HLA-DQB2: variants seen among roughly 807,000 people sequenced by gnomAD.
HLA-DQB2 encodes major histocompatibility complex, class II, DQ beta 2.
HLA-DQB2 carries 24 observed loss-of-function variants against 29.2 expected under a neutral mutation model. The observed-to-expected ratio is 0.82, with a 90% CI of 0.60 to 1.16. The LOEUF (loss-of-function observed/expected upper bound fraction) is 1.16, where lower values mean the gene tolerates loss of function less well. HLA-DQB2 is among the 50% of genes most tolerant of loss of function. The probability of loss-of-function intolerance (pLI) is 0.00; values close to 1 mark genes in which losing one functional copy is unlikely to be tolerated. For synonymous variants in HLA-DQB2, 104 were observed against 133.1 expected (o/e 0.78, Z 1.51); for missense variants, 273 against 343.6 (o/e 0.79, Z 1.62).
rs1208006348 is a variant in HLA-DQB2, at chr6:32,761,621, G to C, written c.364+39C>G. On this transcript the variant is annotated intron_variant, in intron 2 of 5. Coordinates refer to ENST00000437316, the MANE Select transcript of HLA-DQB2 (RefSeq NM_001300790.2). Reference sequence around the variant, plus strand: ...TCTGTGCGCAAGAGACTCGGGCCCCGGCCAAGGGTGAGCCCCGCGGAAGGA... The same window carrying C: ...TCTGTGCGCAAGAGACTCGGGCCCCCGCCAAGGGTGAGCCCCGCGGAAGGA... 7.2e-6 allele frequency: 11 copies of C among 1,519,796 alleles called. No homozygotes were observed. In the South Asian group the frequency reaches 1.3e-4, roughly 17 times the overall value. The allele number at this position is 1,519,796 out of a possible 1,614,324, so 94.1% of individuals were successfully genotyped here.
intron 5 of HLA-DQB2, 94 bp downstream of exon 5, chr6:32,757,187 T>G: frequency 6.5e-7 from 1 of 1,536,548 alleles, no homozygotes; most frequent in Non-Finnish European, 8.8e-7. Context: ...GTCCAGCTAA[T>G]TTTTGTATTT....
At chr6:32,760,073 A>C (rs10695453) in intron 2 of HLA-DQB2, among the ~76,000 whole-genome samples, 56 of 108,980 alleles carry the variant, frequency 5.1e-4, no homozygotes, top group African/African-American at 1.6e-3. Flanking sequence ...TCATGAGAAA[A>C]AAATGATAGA....
chr6:32,758,346 T>A (rs1052968462), intron 3 of HLA-DQB2, among the ~76,000 whole-genome samples: 5 of 152,160 alleles, frequency 3.3e-5, no homozygotes, highest in Non-Finnish European at 7.4e-5. Context: ...TAAAACTGCG[T>A]AGCACCAACC....
chr6:32,759,701 G>C (rs1005609587), intron 2 of HLA-DQB2, among the ~76,000 whole-genome samples: 2 of 152,110 alleles, frequency 1.3e-5, no homozygotes, highest in Non-Finnish European at 2.9e-5. Context: ...GTAATTACTA[G>C]CTGCCTACCC....
At position 32,757,837 on chromosome 6, in the gene HLA-DQB2, T is replaced by C. The variant is rs1311667420; in HGVS notation, c.693A>G (p.Gly231=). The change falls in exon 4 of 6, where the codon GGA becomes GGG. Residue 231 remains glycine, a synonymous_variant. Coordinates refer to ENST00000437316, the MANE Select transcript of HLA-DQB2 (RefSeq NM_001300790.2). ...GGAAGATCAGCCCCAGCACGAAGCC[T>C]CCAATGCCACTCAGCATCTTGCTCT... ...SAQSKMLSGI[G]GFVLGLIFLG... is the part of the protein sequence containing the mutation. 2 of 1,613,850 alleles carry C rather than the reference T, an allele frequency of 1.2e-6. No individual in the cohort carries two copies. The highest frequency in any genetic ancestry group is 4.5e-5 in the East Asian group (2 of 44,898).
chr6:32,759,980 A>C (rs1043816223), intron 2 of HLA-DQB2, among the ~76,000 whole-genome samples: 5,527 of 115,872 alleles, frequency 0.048, no homozygotes, highest in Middle Eastern at 0.1. Context: ...CTGGAGTCTG[A>C]CTGAAATAAC....
chr6:32,756,985 C>G, intron 5 of HLA-DQB2: 1 of 1,281,634 alleles, frequency 7.8e-7, no homozygotes, highest in Non-Finnish European at 9.9e-7. Context: ...AGGCCATGAA[C>G]AGAGACCACT....
chr6:32,763,426 G>C lies in HLA-DQB2; in HGVS notation c.45C>G (p.Thr15=), dbSNP rs1250334586. The C allele has an allele frequency of 5.1e-6, 8 of 1,564,758 alleles. No individual in the cohort carries two copies. Among genetic ancestry groups the C allele is most frequent in the Non-Finnish European group, 6.1e-6 (7 of 1,154,100 alleles). The change falls in exon 1 of 6, where the codon ACC becomes ACG. Residue 15 remains threonine (T), a synonymous_variant. Coordinates refer to ENST00000437316, the MANE Select transcript of HLA-DQB2 (RefSeq NM_001300790.2). ...GGGTGCTCAGCATCACCAGCATCAC[G>C]GTCACAGCTGCTGCCCAAAAGCCTC... ...IPGGFWAAAV[T]VMLVMLSTPV... is the part of the protein sequence containing the mutation.
In HLA-DQB2 at chr6:32,762,779, T is replaced by C. The variant is rs111893017; in HGVS notation, c.97+595A>G. Among the ~76,000 whole-genome samples the C allele has an allele frequency of 3.0e-3, 452 of 152,210 alleles. 2 individuals are homozygous for C. The highest frequency in any genetic ancestry group is 0.01 in the African/African-American group (429 of 41,540). ...AATATGTATTATTTCCCTTCTTTAC[T>C]TCCTCCTTCCTATCATACTAAATTC... On this transcript the variant is annotated intron_variant, in intron 1 of 5. Transcript: ENST00000437316.
chr6:32,761,838 G>C lies in HLA-DQB2; in HGVS notation c.186C>G (p.Arg62=). Residue 62 remains arginine, a synonymous_variant, in exon 2 of 6, where the codon CGC becomes CGG. Transcript: ENST00000437316. ...CGCTGTCGAAGCGCCCGTACTCCTC[G>C]CGGTTATAGATGTATCTGGCCACAC... ...VRGVARYIYN[R]EEYGRFDSDV... The C allele has an allele frequency of 1.3e-6, 2 of 1,582,474 alleles. No individual in the cohort carries two copies. The highest frequency in any genetic ancestry group is 2.3e-5 in the East Asian group (1 of 44,074).
rs576150144 is a variant in HLA-DQB2 at position 32,758,849 on chromosome 6, C to T, written c.646+1G>A. 288 of 1,612,258 alleles carry T rather than the reference C, an allele frequency of 1.8e-4. 1 individual carries two copies. In the African/African-American group the frequency reaches 2.0e-3, roughly 11 times the overall value. On this transcript the variant is annotated splice_donor_variant, in intron 3 of 5. Transcript: ENST00000437316. LOFTEE classifies it high-confidence loss of function. ...GTAAAAGGAAACCAGTTTCCCCTTA[C>T]GCCACTCCACGGTGATGGGGCTCTG...
chr6:32,757,379 C>A (rs758668668), intron 4 of HLA-DQB2, 75 bp from the exon 5 acceptor site: 2 of 1,115,458 alleles, frequency 1.8e-6, no homozygotes, highest in Admixed American at 2.0e-5. Flanking sequence ...GAAAATGACA[C>A]ATGTAGTTTA....
At chr6:32,760,525 A>G (rs1173576432) in intron 2 of HLA-DQB2, among the ~76,000 whole-genome samples, 3 of 152,214 alleles carry the variant, frequency 2.0e-5, no homozygotes, top group Admixed American at 6.5e-5. Flanking sequence ...CATAACTTAG[A>G]TGGTGTTTGC....
chr6:32,758,916 GC>G lies in HLA-DQB2; in HGVS notation c.579del (p.Gln193HisfsTer35). 6.2e-7 allele frequency: 1 copy of G among 1,613,956 alleles called. No individual in the cohort carries two copies. The highest frequency in any genetic ancestry group is 1.1e-5 in the South Asian group (1 of 91,068). The part of the protein sequence containing the change: ...QILVMLEITP[Q>X]RGDIYTCQVE... Reference sequence around the variant, plus strand: ...ACTTGGCAGGTGTAGATGTCTCCACGCTGGGGAGTTATTTCCAGCATCACCA... The same window carrying G: ...ACTTGGCAGGTGTAGATGTCTCCACGTGGGGAGTTATTTCCAGCATCACCA... On this transcript the variant is annotated frameshift_variant, in exon 3 of 6. Transcript: ENST00000437316. LOFTEE classifies it high-confidence loss of function.
At chr6:32,757,140 C>A in intron 5 of HLA-DQB2, 141 bp downstream of exon 5, 1 of 1,477,724 alleles carries the variant, frequency 6.8e-7, no homozygotes, top group Non-Finnish European at 9.1e-7. Context: ...TTGCCTCAAC[C>A]TCCCAAGTAG....
intron 5 of HLA-DQB2, 55 bp downstream of exon 5, chr6:32,757,226 C>T: frequency 1.3e-6 from 2 of 1,549,670 alleles, no homozygotes; most frequent in Non-Finnish European, 1.7e-6. Flanking sequence ...CACCATGGCT[C>T]TTCCCTCTTA....
chr6:32,761,694 G>A lies in HLA-DQB2; in HGVS notation c.330C>T (p.Tyr110=), dbSNP rs1272314121. 8 of 1,551,834 alleles carry A rather than the reference G, an allele frequency of 5.2e-6. No individual in the cohort carries two copies. The highest frequency in any genetic ancestry group is 3.9e-5 in the Admixed American group (2 of 51,050). The change falls in exon 2 of 6, where the codon TAC becomes TAT. Residue 110 remains tyrosine (Y), a synonymous_variant. Coordinates refer to ENST00000437316, the MANE Select transcript of HLA-DQB2 (RefSeq NM_001300790.2). Reference sequence around the variant, plus strand: ...GCAAGGTCGTGCGCAGCTCCGCCTCGTAGTTGTGTCTGCACACCTTGTCCA... The same window carrying A: ...GCAAGGTCGTGCGCAGCTCCGCCTCATAGTTGTGTCTGCACACCTTGTCCA... ...AAVDKVCRHN[Y]EAELRTTLQR...
intron 2 of HLA-DQB2, among the ~76,000 whole-genome samples, chr6:32,760,608 G>A (rs116631296): frequency 0.012 from 1,890 of 152,278 alleles, 37 homozygotes; most frequent in African/African-American, 0.043. Context: ...TGCCTGAAGT[G>A]GATAGTGATG....
intron 3 of HLA-DQB2, among the ~76,000 whole-genome samples, chr6:32,758,406 C>G (rs1159052198): frequency 6.6e-6 from 1 of 152,208 alleles, no homozygotes; most frequent in African/African-American, 2.4e-5. Flanking sequence ...CTCACTCCCT[C>G]TTTTCCTTCT....
Sources: gnomAD v4.1 joint callset for allele counts (sites outside exome capture counted in the v4.1 genomes callset) on GRCh38, gnomAD v4.1.1 for gene constraint, MANE v1.5 for transcripts, NCBI Gene and HGNC (gene_info 2026-07-23, HGNC 2026-07-21) for gene names.